The following CDH13 variants were observed in gnomAD, a reference collection of about 807,000 sequenced individuals.
CDH13 encodes the protein cadherin-13.
A neutral mutation model predicts 63.8 loss-of-function variants in CDH13; 24 were observed. That is an observed-to-expected ratio of 0.38 (90% CI 0.27 to 0.53). The LOEUF (loss-of-function observed/expected upper bound fraction) is 0.53. CDH13 is among the 20% of genes least tolerant of loss of function. The probability of loss-of-function intolerance (pLI) is 0.85; values close to 1 mark genes in which losing one functional copy is unlikely to be tolerated. For missense variants in CDH13, 1,049 were observed against 903.1 expected (o/e 1.16, Z -2.07); for synonymous variants, 503 against 355.3 (o/e 1.42, Z -4.67).
At chr16:82,944,054 C>A (rs1047623726) in intron 2 of CDH13, among the ~76,000 whole-genome samples, 7 of 152,152 alleles carry the variant, frequency 4.6e-5, no homozygotes, top group Admixed American at 3.9e-4. Context: ...TATTTAATGT[C>A]TCTTGATCTC....
At chr16:83,776,730 G>A (rs574289588) in intron 11 of CDH13, among the ~76,000 whole-genome samples, 6 of 152,104 alleles carry the variant, frequency 3.9e-5, no homozygotes, top group South Asian at 2.1e-4. Flanking sequence ...TCTTATCCTC[G>A]TAGGGGTCAT....
At chr16:83,413,213 A>C (rs1220896624) in intron 6 of CDH13, among the ~76,000 whole-genome samples, 3 of 152,234 alleles carry the variant, frequency 2.0e-5, no homozygotes, top group Non-Finnish European at 4.4e-5. Flanking sequence ...GTCTAAAATT[A>C]TTGTAGAACC....
At chr16:83,224,516 A>G (rs192870991) in intron 5 of CDH13, among the ~76,000 whole-genome samples, 30 of 152,322 alleles carry the variant, frequency 2.0e-4, no homozygotes, top group African/African-American at 5.8e-4. Flanking sequence ...TTAGGGTCCT[A>G]TCAATCAATA....
intron 7 of CDH13, among the ~76,000 whole-genome samples, chr16:83,508,175 G>A (rs1305165877): frequency 2.7e-5 from 4 of 148,836 alleles, no homozygotes; most frequent in Non-Finnish European, 6.0e-5. Context: ...GGGAGGAGAG[G>A]GGAGGAAAGG....
At chr16:82,779,009 C>G (rs2035627615) in intron 1 of CDH13, among the ~76,000 whole-genome samples, 1 of 152,020 alleles carries the variant, frequency 6.6e-6, no homozygotes, top group Non-Finnish European at 1.5e-5. Flanking sequence ...AATTGAGATC[C>G]CGGAAAGCAA....
At chr16:82,736,010 A>T (rs2033653805) in intron 1 of CDH13, among the ~76,000 whole-genome samples, 1 of 152,238 alleles carries the variant, frequency 6.6e-6, no homozygotes, top group African/African-American at 2.4e-5. Context: ...TAGCCCTGGG[A>T]AAACCTGCAA....
intron 1 of CDH13, among the ~76,000 whole-genome samples, chr16:82,755,148 A>G (rs573131604): frequency 6.6e-6 from 1 of 152,308 alleles, no homozygotes; most frequent in African/African-American, 2.4e-5. Flanking sequence ...GTCCAAATCC[A>G]GCTGGTCATC....
intron 1 of CDH13, among the ~76,000 whole-genome samples, chr16:82,659,005 C>T (rs1911624673): frequency 6.6e-6 from 1 of 152,186 alleles, no homozygotes; most frequent in Non-Finnish European, 1.5e-5. Context: ...TAATCCCCTC[C>T]TGGCCATCAT....
chr16:83,583,980 G>A (rs1184643000), intron 7 of CDH13, among the ~76,000 whole-genome samples: 2 of 152,032 alleles, frequency 1.3e-5, no homozygotes, highest in Non-Finnish European at 2.9e-5. Flanking sequence ...CCTTATTTTG[G>A]CTTAAAGTCC....
At chr16:82,804,180 A>ACTACTGCAT (rs3042612) in intron 1 of CDH13, among the ~76,000 whole-genome samples, 148 of 151,464 alleles carry the variant, frequency 9.8e-4, no homozygotes, top group African/African-American at 3.5e-3. Flanking sequence ...GTGAGCTGAG[A>ACTACTGCAT]TCACGCTACT....
chr16:83,221,342 C>T (rs963512695), intron 5 of CDH13, among the ~76,000 whole-genome samples: 1 of 152,170 alleles, frequency 6.6e-6, no homozygotes, highest in African/African-American at 2.4e-5. Flanking sequence ...TCCCCAGCTT[C>T]TGACCCAAAG....
intron 7 of CDH13, among the ~76,000 whole-genome samples, chr16:83,507,167 A>C (rs574208986): frequency 6.6e-6 from 1 of 152,148 alleles, no homozygotes; most frequent in Non-Finnish European, 1.5e-5. Context: ...GCATGACTCA[A>C]TCCCTCTTTC....
intron 6 of CDH13, among the ~76,000 whole-genome samples, chr16:83,423,006 G>A (rs560017363): frequency 7.2e-5 from 11 of 152,186 alleles, no homozygotes; most frequent in Non-Finnish European, 1.2e-4. Context: ...CAAGATTTAC[G>A]TTCCAGAAAG....
chr16:83,294,576 C>T (rs944272050), intron 5 of CDH13, among the ~76,000 whole-genome samples: 3 of 148,942 alleles, frequency 2.0e-5, no homozygotes, highest in African/African-American at 7.5e-5. Flanking sequence ...TTTCCTGTCT[C>T]ATATAATATA....
At chr16:83,365,548 T>C (rs1263914792) in intron 6 of CDH13, among the ~76,000 whole-genome samples, 1 of 152,208 alleles carries the variant, frequency 6.6e-6, no homozygotes, top group Non-Finnish European at 1.5e-5. Flanking sequence ...CTCCTGGCAT[T>C]ACTCCTGCAG....
chr16:83,670,954 G>A lies in CDH13; in HGVS notation c.1266G>A (p.Gly422=), dbSNP rs772599881. Residue 422 remains glycine (G), a synonymous_variant, in exon 9 of 14, where the codon GGG becomes GGA. Coordinates refer to ENST00000567109, the MANE Select transcript of CDH13 (RefSeq NM_001257.5). ...EIHTNPQTNE[G]MLSVVKPLDY... ...ACACCAACCCTCAAACCAACGAAGG[G>A]ATGCTTTCTGTTGTCAAAGTAAGGG... 1.9e-6 allele frequency: 3 copies of A among 1,598,608 alleles called. No individual in the cohort carries two copies. The highest frequency in any genetic ancestry group is 2.6e-6 in the Non-Finnish European group (3 of 1,169,864).
chr16:82,977,511 T>C (rs1597342768), intron 2 of CDH13, among the ~76,000 whole-genome samples: 1 of 152,150 alleles, frequency 6.6e-6, no homozygotes, highest in Non-Finnish European at 1.5e-5. Flanking sequence ...TATGGGGCTT[T>C]TCCCCCTTTT....
chr16:83,523,660 G>A (rs1469360700), intron 7 of CDH13, among the ~76,000 whole-genome samples: 1 of 152,160 alleles, frequency 6.6e-6, no homozygotes, highest in Non-Finnish European at 1.5e-5. Flanking sequence ...TCAGTTCCCT[G>A]GCAGCTGGCT....
intron 5 of CDH13, among the ~76,000 whole-genome samples, chr16:83,325,161 C>T (rs1228582782): frequency 6.6e-6 from 1 of 152,088 alleles, no homozygotes; most frequent in African/African-American, 2.4e-5. Flanking sequence ...TTCTTTAATC[C>T]CACTAAATCA....
Sources: allele counts gnomAD v4.1 joint callset (sites outside exome capture counted in the v4.1 genomes callset), GRCh38; gene constraint gnomAD v4.1.1; transcripts MANE v1.5; gene names NCBI Gene and HGNC (gene_info 2026-07-23, HGNC 2026-07-21).